The following FBXW7 variants were observed in gnomAD, a reference collection of about 807,000 sequenced individuals.
The protein encoded by FBXW7 is F-box and WD repeat domain containing 7, also known as F-box/WD repeat-containing protein 7.
Under a neutral mutation model 86.3 loss-of-function variants are expected in FBXW7, and 11 were observed. The ratio of observed to expected loss-of-function variants is 0.13; its 90% confidence interval spans 0.08 to 0.21. The LOEUF (loss-of-function observed/expected upper bound fraction) is 0.21. Among genes scored for constraint, FBXW7 ranks in the 10% least tolerant of loss-of-function variants. The probability of loss-of-function intolerance (pLI) is 1.00; values close to 1 mark genes in which losing one functional copy is unlikely to be tolerated. For missense variants in FBXW7, 488 were observed against 847.4 expected (o/e 0.58, Z 5.27); for synonymous variants, 313 against 297.9 (o/e 1.05, Z -0.52).
chr4:152,350,059 T>C lies in FBXW7; in HGVS notation c.567A>G (p.Lys189=). Residue 189 remains lysine (K), a synonymous_variant, in exon 5 of 14, where the codon AAA becomes AAG. Transcript: ENST00000281708. ...RSFSLGKKPC[K]VSEYTSTTGL... ...AATATTACCTTGTATATTCTGAGAC[T>C]TTGCATGGTTTCTTTCCCAAAGAAA... 6.4e-7 allele frequency: 1 copy of C among 1,556,220 alleles called. No homozygotes were observed.
At chr4:152,498,773 C>T (rs965960115) in intron 2 of FBXW7, among the ~76,000 whole-genome samples, 3 of 151,954 alleles carry the variant, frequency 2.0e-5, no homozygotes, top group African/African-American at 7.3e-5. Flanking sequence ...GGAGCTCAAG[C>T]CAAGTAGCAA....
chr4:152,408,733 G>C (rs1007091959), intron 4 of FBXW7, among the ~76,000 whole-genome samples: 5 of 152,116 alleles, frequency 3.3e-5, no homozygotes, highest in African/African-American at 4.8e-5. Context: ...TCAACCATAG[G>C]GGGCAGCATA....
chr4:152,384,442 T>C (rs1268018654), intron 4 of FBXW7, among the ~76,000 whole-genome samples: 1 of 152,090 alleles, frequency 6.6e-6, no homozygotes, highest in Non-Finnish European at 1.5e-5. Context: ...GGATAGTGTA[T>C]GATCCACTTA....
chr4:152,474,600 G>GT (rs1273608098), intron 2 of FBXW7, among the ~76,000 whole-genome samples: 1 of 152,108 alleles, frequency 6.6e-6, no homozygotes, highest in African/African-American at 2.4e-5. Flanking sequence ...CAAATCAACA[G>GT]TTTATCTCTA....
chr4:152,408,056 G>C (rs961559656), intron 4 of FBXW7, among the ~76,000 whole-genome samples: 1 of 151,938 alleles, frequency 6.6e-6, no homozygotes, highest in Non-Finnish European at 1.5e-5. Flanking sequence ...GGATAAAAAC[G>C]ATTTAATTAC....
At chr4:152,506,915 C>T (rs1315543573) in intron 2 of FBXW7, among the ~76,000 whole-genome samples, 1 of 152,210 alleles carries the variant, frequency 6.6e-6, no homozygotes, top group East Asian at 1.9e-4. Flanking sequence ...AATATGCACA[C>T]TGATTGTGTA....
chr4:152,372,408 T>A (rs540334491), intron 4 of FBXW7, among the ~76,000 whole-genome samples: 29 of 152,132 alleles, frequency 1.9e-4, no homozygotes, highest in Non-Finnish European at 2.2e-4. Context: ...TGTAGAAAGG[T>A]AACAGAGTGC....
At chr4:152,449,317 TAAAC>T (rs1381955517) in intron 2 of FBXW7, among the ~76,000 whole-genome samples, 17 of 152,188 alleles carry the variant, frequency 1.1e-4, no homozygotes, top group Non-Finnish European at 2.2e-4. Flanking sequence ...ATTTTTTAAA[TAAAC>T]AAAATGTAGA....
chr4:152,390,154 AG>A (rs1735873848), intron 4 of FBXW7, among the ~76,000 whole-genome samples: 1 of 151,782 alleles, frequency 6.6e-6, no homozygotes, highest in South Asian at 2.1e-4. Context: ...TCTAAACACT[AG>A]CATATAGAGT....
chr4:152,445,910 TAAAAAAAAAAAAAAAAAA>T (rs11457603), intron 2 of FBXW7, among the ~76,000 whole-genome samples: 36 of 100,642 alleles, frequency 3.6e-4, no homozygotes, highest in Non-Finnish European at 7.5e-4. Flanking sequence ...ACTCTGTCTT[TAAAAAAAAAAAAAAAAAA>T]AAAAAAAAAA....
At chr4:152,392,875 C>G (rs530844758) in intron 4 of FBXW7, among the ~76,000 whole-genome samples, 1 of 152,240 alleles carries the variant, frequency 6.6e-6, no homozygotes, top group Non-Finnish European at 1.5e-5. Context: ...GAGGCCTTAG[C>G]AAGTTTCTAT....
intron 4 of FBXW7, among the ~76,000 whole-genome samples, chr4:152,396,137 G>T (rs1016413137): frequency 6.6e-6 from 1 of 151,766 alleles, no homozygotes; most frequent in Admixed American, 6.6e-5. Context: ...AATCATTGAT[G>T]GAAATTAGTT....
intron 2 of FBXW7, among the ~76,000 whole-genome samples, chr4:152,512,988 A>G (rs1302313341): frequency 6.6e-6 from 1 of 152,060 alleles, no homozygotes; most frequent in Non-Finnish European, 1.5e-5. Flanking sequence ...CGGCCTCCCA[A>G]ATAGCTGGGA....
intron 2 of FBXW7, among the ~76,000 whole-genome samples, chr4:152,472,049 C>T (rs913015470): frequency 6.6e-6 from 1 of 151,806 alleles, no homozygotes; most frequent in African/African-American, 2.4e-5. Flanking sequence ...AAAAACAAAC[C>T]GATTTTTAAG....
intron 4 of FBXW7, among the ~76,000 whole-genome samples, chr4:152,403,979 G>A (rs552549956): frequency 2.0e-4 from 30 of 152,286 alleles, no homozygotes; most frequent in African/African-American, 6.0e-4. Context: ...AAACAAGAAC[G>A]GATACTACTA....
intron 2 of FBXW7, among the ~76,000 whole-genome samples, chr4:152,442,946 G>A (rs956886729): frequency 1.3e-5 from 2 of 152,184 alleles, no homozygotes; most frequent in East Asian, 3.8e-4. Context: ...CATTCTAGGT[G>A]AAGATTGAAA....
intron 4 of FBXW7, among the ~76,000 whole-genome samples, chr4:152,370,113 T>C (rs1170329615): frequency 1.3e-5 from 2 of 151,980 alleles, no homozygotes; most frequent in Admixed American, 1.3e-4. Context: ...ACAGTGACAT[T>C]TTAAAATCTA....
intron 2 of FBXW7, among the ~76,000 whole-genome samples, chr4:152,503,573 C>T (rs1170589094): frequency 3.3e-5 from 5 of 150,900 alleles, no homozygotes; most frequent in Admixed American, 3.3e-4. Context: ...TGCCCGGCCC[C>T]AATTAAATCT....
At chr4:152,350,233 G>T in intron 4 of FBXW7, 109 bp from the exon 5 acceptor site, 1 of 504,508 alleles carries the variant, frequency 2.0e-6, no homozygotes, top group Non-Finnish European at 3.5e-6. Flanking sequence ...TGCCTACAAT[G>T]TTAATTAAAT....
Sources: allele counts gnomAD v4.1 joint callset (sites outside exome capture counted in the v4.1 genomes callset), GRCh38; gene constraint gnomAD v4.1.1; transcripts MANE v1.5; gene names NCBI Gene and HGNC (gene_info 2026-07-23, HGNC 2026-07-21).